Variants in RALGPS2 observed in about 807,000 individuals in gnomAD.
RALGPS2 encodes the protein ras-specific guanine nucleotide-releasing factor RalGPS2.
RALGPS2 carries 43 observed loss-of-function variants against 86.8 expected under a neutral mutation model. That is an observed-to-expected ratio of 0.50 (90% CI 0.39 to 0.64). The LOEUF is 0.64. Ranked by LOEUF, RALGPS2 falls within the 30% of genes least tolerant of loss-of-function variation. RALGPS2 has a pLI of 0.00. For missense variants in RALGPS2, 536 were observed against 694.6 expected, an observed-to-expected ratio of 0.77 and a Z score of 2.57; for synonymous variants, 243 against 231.3, an observed-to-expected ratio of 1.05 and a Z score of -0.46.
chr1:178,886,038 G>T lies in RALGPS2; in HGVS notation c.1110G>T (p.Leu370=). ...TTCCAAATGCAGGACCAAGACATCT[G>T]TTAGATGATAGCGTCATGGAGCCCC... The part of the protein sequence containing the change: ...ATFPNAGPRH[L]LDDSVMEPHA... Residue 370 remains leucine (L), a synonymous_variant, in exon 13 of 20, where the codon CTG becomes CTT. Coordinates refer to ENST00000367635, the MANE Select transcript of RALGPS2 (RefSeq NM_152663.5). 1 of 1,613,454 alleles carries T rather than the reference G, an allele frequency of 6.2e-7. No homozygotes were observed.
intron 1 of RALGPS2, among the ~76,000 whole-genome samples, chr1:178,727,614 A>T (rs1188185177): frequency 1.3e-5 from 2 of 152,176 alleles, no homozygotes; most frequent in African/African-American, 4.8e-5. Context: ...TGAGTAATAT[A>T]TTTTTGTGTG....
chr1:178,873,850 T>G (rs1572437877), intron 8 of RALGPS2, among the ~76,000 whole-genome samples: 1 of 152,284 alleles, frequency 6.6e-6, no homozygotes, highest in East Asian at 1.9e-4. Context: ...TAAATTTTAT[T>G]TAATAAATGC....
chr1:178,832,979 C>A (rs904616782), intron 7 of RALGPS2, among the ~76,000 whole-genome samples: 2 of 151,844 alleles, frequency 1.3e-5, no homozygotes, highest in Admixed American at 6.6e-5. Context: ...CTAGCCATGA[C>A]TAGATTTATC....
rs181420222 is a variant in RALGPS2 at position 178,903,946 on chromosome 1, G to A, written c.1630+1735G>A. On this transcript the variant is annotated intron_variant, in intron 18 of 19. Coordinates refer to ENST00000367635, the MANE Select transcript of RALGPS2 (RefSeq NM_152663.5). ...CTCCACACTGTATTCCATAGTGGCT[G>A]TACTAGTTTACATTCCCACCAGCAG... Among the ~76,000 whole-genome samples, 3 of 152,292 alleles carry A rather than the reference G, an allele frequency of 2.0e-5. No individual in the cohort carries two copies. The East Asian group carries it at 5.8e-4, about 29-fold the overall frequency.
chr1:178,762,303 G>A (rs1408570040), intron 1 of RALGPS2, among the ~76,000 whole-genome samples: 1 of 152,074 alleles, frequency 6.6e-6, no homozygotes, highest in African/African-American at 2.4e-5. Context: ...TGTGAGTAGT[G>A]CTGCAGTGAA....
chr1:178,823,172 G>C (rs896842823), intron 7 of RALGPS2, among the ~76,000 whole-genome samples: 2 of 152,130 alleles, frequency 1.3e-5, no homozygotes, highest in African/African-American at 4.8e-5. Context: ...TTTTGCTGAA[G>C]TTAATTTTTA....
At chr1:178,834,266 AT>A (rs1656163894) in intron 8 of RALGPS2, among the ~76,000 whole-genome samples, 1 of 152,202 alleles carries the variant, frequency 6.6e-6, no homozygotes, top group Admixed American at 6.5e-5. Context: ...AATTGATTTG[AT>A]CCTATGTAGA....
chr1:178,775,920 C>CAA (rs535964125), intron 1 of RALGPS2, among the ~76,000 whole-genome samples: 425 of 86,692 alleles, frequency 4.9e-3, no homozygotes, highest in African/African-American at 0.017. Context: ...ATACTTGGGG[C>CAA]AAAAAAAAAA....
At chr1:178,786,389 T>C (rs986217427) in intron 4 of RALGPS2, among the ~76,000 whole-genome samples, 2 of 152,088 alleles carry the variant, frequency 1.3e-5, no homozygotes, top group Non-Finnish European at 2.9e-5. Flanking sequence ...CTTTATTTTA[T>C]GACTTAATAA....
At position 178,851,472 on chromosome 1, in the gene RALGPS2, G is replaced by T. The variant is rs182012358; in HGVS notation, c.607+17922G>T. Among the ~76,000 whole-genome samples, 19 of 152,182 alleles carry T rather than the reference G, an allele frequency of 1.2e-4. No homozygotes were observed. In the East Asian group the frequency reaches 3.1e-3, roughly 25 times the overall value. On this transcript the variant is annotated intron_variant, in intron 8 of 19. Coordinates refer to ENST00000367635, the MANE Select transcript of RALGPS2 (RefSeq NM_152663.5). ...TTTAAATGCCTTCACTTACTTGATG[G>T]CTGTTGCATCAACTGCTTGAAAAAT...
At chr1:178,761,421 C>T (rs1652234663) in intron 1 of RALGPS2, among the ~76,000 whole-genome samples, 2 of 150,152 alleles carry the variant, frequency 1.3e-5, no homozygotes, top group African/African-American at 2.5e-5. Context: ...TTGAGTGACA[C>T]TCTGTCTCAA....
intron 1 of RALGPS2, among the ~76,000 whole-genome samples, chr1:178,748,841 A>G (rs1651486932): frequency 8.4e-6 from 1 of 119,394 alleles, no homozygotes; most frequent in African/African-American, 3.6e-5. Flanking sequence ...ACAGAGTGAG[A>G]CTCTGTCTCA....
intron 5 of RALGPS2, among the ~76,000 whole-genome samples, chr1:178,810,688 A>G (rs1289074686): frequency 6.6e-6 from 1 of 152,076 alleles, no homozygotes; most frequent in East Asian, 1.9e-4. Flanking sequence ...ATACATACAT[A>G]ATGACATTTC....
At chr1:178,821,750 A>G (rs1655518885) in intron 7 of RALGPS2, 46 bp downstream of exon 7, 1 of 1,349,138 alleles carries the variant, frequency 7.4e-7, no homozygotes, top group South Asian at 1.2e-5. Context: ...TTCCTGTGGA[A>G]AGGAAAGATA....
chr1:178,902,307 T>C, intron 18 of RALGPS2, 96 bp downstream of exon 18: 1 of 930,358 alleles, frequency 1.1e-6, no homozygotes, highest in Non-Finnish European at 1.7e-6. Context: ...ATATATATAA[T>C]GTTTTATGCA....
chr1:178,742,530 C>T (rs1187720944), intron 1 of RALGPS2, among the ~76,000 whole-genome samples: 1 of 152,152 alleles, frequency 6.6e-6, no homozygotes, highest in Non-Finnish European at 1.5e-5. Flanking sequence ...ACTCTTCTCT[C>T]AGTAAATGAT....
intron 8 of RALGPS2, among the ~76,000 whole-genome samples, chr1:178,843,592 A>G (rs1464086043): frequency 1.3e-5 from 2 of 151,224 alleles, no homozygotes; most frequent in Admixed American, 6.6e-5. Context: ...AACATGGCGC[A>G]TGTATACATA....
chr1:178,818,087 A>T (rs915584229), intron 6 of RALGPS2, among the ~76,000 whole-genome samples: 8 of 152,146 alleles, frequency 5.3e-5, no homozygotes, highest in Non-Finnish European at 1.0e-4. Flanking sequence ...CTGGCTGGGC[A>T]TGGTGGCTCA....
At chr1:178,815,473 G>T (rs1393695626) in intron 6 of RALGPS2, among the ~76,000 whole-genome samples, 1 of 152,088 alleles carries the variant, frequency 6.6e-6, no homozygotes, top group African/African-American at 2.4e-5. Context: ...TTTGTAGCTT[G>T]TCTTACCACT....
Sources: gnomAD v4.1 joint callset for allele counts (sites outside exome capture counted in the v4.1 genomes callset) on GRCh38, gnomAD v4.1.1 for gene constraint, MANE v1.5 for transcripts, NCBI Gene and HGNC (gene_info 2026-07-23, HGNC 2026-07-21) for gene names.